The following ERC1 variants were observed in gnomAD, a reference collection of about 807,000 sequenced individuals.
The protein encoded by ERC1 is ELKS/RAB6-interacting/CAST family member 1.
ERC1 carries 56 observed loss-of-function variants against 132.0 expected under a neutral mutation model. That is an observed-to-expected ratio of 0.42 (90% CI 0.34 to 0.53). The LOEUF (loss-of-function observed/expected upper bound fraction) is 0.53. Ranked by LOEUF, ERC1 falls within the 20% of genes least tolerant of loss-of-function variation. The probability of loss-of-function intolerance (pLI) is 0.03; values close to 1 mark genes in which losing one functional copy is unlikely to be tolerated. For missense variants in ERC1, 1,202 were observed against 1,349.9 expected, an observed-to-expected ratio of 0.89 and a Z score of 1.72; for synonymous variants, 478 against 476.1, an observed-to-expected ratio of 1.00 and a Z score of -0.05.
intron 4 of ERC1, 60 bp downstream of exon 4, chr12:1,104,884 A>T (rs1945079857): frequency 8.8e-7 from 1 of 1,142,140 alleles, no homozygotes; most frequent in African/African-American, 1.5e-5. Context: ...GTGATCAAAA[A>T]CTTCCATGTG....
At chr12:1,409,107 G>A (rs1429785015) in intron 17 of ERC1, among the ~76,000 whole-genome samples, 1 of 152,220 alleles carries the variant, frequency 6.6e-6, no homozygotes, top group African/African-American at 2.4e-5. Flanking sequence ...AGGAGAAATA[G>A]TGCAGATGAA....
At chr12:1,362,181 A>G (rs1222904514) in intron 15 of ERC1, among the ~76,000 whole-genome samples, 1 of 152,204 alleles carries the variant, frequency 6.6e-6, no homozygotes, top group East Asian at 1.9e-4. Flanking sequence ...AGTGGCCAAA[A>G]ACAAGTCATT....
chr12:1,027,710 ATTATTGGAGGAT>A, intron 1 of ERC1, 26 bp from the exon 2 acceptor site: 2 of 557,640 alleles, frequency 3.6e-6, no homozygotes, highest in Non-Finnish European at 6.3e-6. Context: ...GGAAATATTT[ATTATTGGAGGAT>A]TTAATGTGTG....
At chr12:1,142,806 T>G (rs1478551735) in intron 8 of ERC1, among the ~76,000 whole-genome samples, 1 of 152,236 alleles carries the variant, frequency 6.6e-6, no homozygotes, top group East Asian at 1.9e-4. Context: ...TGTTTTGAGT[T>G]CTTTCCTGCT....
rs1368544827 is a variant in ERC1 at position 1,289,993 on chromosome 12, G to C, written c.2761G>C (p.Glu921Gln). Residue 921 changes from glutamate (E) to glutamine (Q), a missense_variant, in exon 15 of 19, where the codon GAG (glutamate) becomes CAG (glutamine). By Grantham distance (29) the Glu-to-Gln change is conservative. Transcript: ENST00000360905. ...TCGGGCAGAGAGAAGGAAACACTTA[G>C]AGGAAGTTCTGGAGATGAAGTAAGT... ...NLRAERRKHL[E>Q]EVLEMKQEAL... is the part of the protein sequence containing the mutation. 1.5e-5 allele frequency: 24 copies of C among 1,613,890 alleles called. No homozygotes were observed. The highest frequency in any genetic ancestry group is 1.9e-5 in the Non-Finnish European group (23 of 1,179,898).
At chr12:1,347,849 G>A (rs1300930296) in intron 15 of ERC1, among the ~76,000 whole-genome samples, 1 of 152,262 alleles carries the variant, frequency 6.6e-6, no homozygotes, top group Admixed American at 6.5e-5. Flanking sequence ...CAGGGGTGGT[G>A]GCGCATGCCT....
chr12:1,485,623 CT>C (rs2094203044), intron 18 of ERC1, among the ~76,000 whole-genome samples: 1 of 152,076 alleles, frequency 6.6e-6, no homozygotes. Context: ...GGTTTTTAGG[CT>C]TATGGTACCA....
At chr12:1,179,717 T>C (rs977558344) in intron 8 of ERC1, among the ~76,000 whole-genome samples, 125 of 151,984 alleles carry the variant, frequency 8.2e-4, no homozygotes, top group South Asian at 7.7e-3. Flanking sequence ...CCGTTTTAGC[T>C]GGGATGGTCT....
At chr12:1,205,032 C>T (rs1052634638) in intron 12 of ERC1, among the ~76,000 whole-genome samples, 13 of 152,128 alleles carry the variant, frequency 8.5e-5, no homozygotes, top group African/African-American at 2.9e-4. Context: ...AAAACAGCAA[C>T]GATTACTGCT....
At chr12:1,187,394 A>T (rs1294482608) in intron 11 of ERC1, among the ~76,000 whole-genome samples, 2 of 151,086 alleles carry the variant, frequency 1.3e-5, no homozygotes, top group Non-Finnish European at 2.9e-5. Flanking sequence ...GTCTTTAAAG[A>T]TTGTCATTTA....
At chr12:1,175,690 C>T (rs1048630217) in intron 8 of ERC1, among the ~76,000 whole-genome samples, 27 of 152,024 alleles carry the variant, frequency 1.8e-4, no homozygotes, top group African/African-American at 5.3e-4. Flanking sequence ...CCCACCACCA[C>T]GCCTGGCTAA....
intron 13 of ERC1, among the ~76,000 whole-genome samples, chr12:1,240,064 G>T (rs1178857401): frequency 1.3e-5 from 2 of 152,188 alleles, no homozygotes; most frequent in African/African-American, 4.8e-5. Context: ...GTCATATAAG[G>T]ATGGACAGAG....
intron 13 of ERC1, among the ~76,000 whole-genome samples, chr12:1,258,298 C>T (rs2076937329): frequency 1.3e-5 from 2 of 152,134 alleles, no homozygotes. Flanking sequence ...GCATTACAGA[C>T]TCAGAATGGC....
intron 14 of ERC1, among the ~76,000 whole-genome samples, chr12:1,264,417 C>T (rs561385614): frequency 6.6e-6 from 1 of 152,292 alleles, no homozygotes; most frequent in African/African-American, 2.4e-5. Context: ...AATCCCAGCA[C>T]TTTGGGAGGC....
At chr12:1,050,196 G>A (rs1482540621) in intron 2 of ERC1, among the ~76,000 whole-genome samples, 1 of 152,180 alleles carries the variant, frequency 6.6e-6, no homozygotes, top group East Asian at 1.9e-4. Flanking sequence ...AAAATGATCA[G>A]CCCTGGATTT....
intron 13 of ERC1, among the ~76,000 whole-genome samples, chr12:1,254,663 A>G (rs1303869886): frequency 2.6e-5 from 4 of 152,036 alleles, no homozygotes; most frequent in Non-Finnish European, 4.4e-5. Flanking sequence ...ACCGGTGTGC[A>G]TCACCACCCA....
chr12:1,104,143 G>T (rs891060998), intron 3 of ERC1, among the ~76,000 whole-genome samples: 2 of 148,066 alleles, frequency 1.4e-5, no homozygotes, highest in Non-Finnish European at 3.0e-5. Flanking sequence ...AAAAAAAAAA[G>T]CTATGTTTTT....
At chr12:1,206,799 TTTAA>T (rs1401281512) in intron 12 of ERC1, among the ~76,000 whole-genome samples, 1 of 152,114 alleles carries the variant, frequency 6.6e-6, no homozygotes, top group Non-Finnish European at 1.5e-5. Flanking sequence ...ATATCTATGT[TTTAA>T]TTATCAGTTA....
chr12:1,045,709 A>G (rs1258621195), intron 2 of ERC1, among the ~76,000 whole-genome samples: 3 of 152,176 alleles, frequency 2.0e-5, no homozygotes, highest in Non-Finnish European at 4.4e-5. Flanking sequence ...ACTAAGGACA[A>G]ATGAATGAAG....
Sources: gnomAD v4.1 joint callset for allele counts (sites outside exome capture counted in the v4.1 genomes callset) on GRCh38, gnomAD v4.1.1 for gene constraint, MANE v1.5 for transcripts, NCBI Gene and HGNC (gene_info 2026-07-23, HGNC 2026-07-21) for gene names.